The following HARS1 variants were observed in gnomAD, a reference collection of about 807,000 sequenced individuals.
The protein encoded by HARS1 is histidine--tRNA ligase, cytoplasmic.
In HARS1, 45 loss-of-function variants were observed where a neutral mutation model predicts 63.6. The ratio of observed to expected loss-of-function variants is 0.71; its 90% CI spans 0.56 to 0.91. The LOEUF is 0.91. Ranked by LOEUF, HARS1 falls within the 40% of genes least tolerant of loss-of-function variation. The pLI, the probability that HARS1 is intolerant of heterozygous loss-of-function variation, is 0.00. For synonymous variants in HARS1, 205 were observed against 247.1 expected, an observed-to-expected ratio of 0.83 and a Z score of 1.60; for missense variants, 508 against 643.2, an observed-to-expected ratio of 0.79 and a Z score of 2.27.
At position 140,673,948 on chromosome 5, in the gene HARS1, G is replaced by A. The variant is rs968857318; in HGVS notation, c.*309C>T. On this transcript the variant is annotated 3_prime_UTR_variant, in exon 13 of 13. Transcript: ENST00000504156. Reference sequence around the variant, plus strand: ...TATTGGACCTTTGGCAATTGGTGGTGGGGAGGCATCTGCTCCAACTGGTGC... The same window carrying A: ...TATTGGACCTTTGGCAATTGGTGGTAGGGAGGCATCTGCTCCAACTGGTGC... The A allele has an allele frequency of 1.8e-6, 1 of 562,830 alleles. No individual in the cohort carries two copies. The highest frequency in any genetic ancestry group is 1.9e-5 in the African/African-American group (1 of 53,116). 34.9% of individuals were successfully genotyped at this position (562,830 alleles called of 1,614,324 possible).
At position 140,684,323 on chromosome 5, in the gene HARS1, A is replaced by G. The variant is rs1164458165; in HGVS notation, c.181-1104T>C. ...CAAAAACAAAAACAAACCCAACCAA[A>G]CAAACAAAAATAATAACAACAAAAA... On this transcript the variant is annotated intron_variant, in intron 2 of 12. Transcript: ENST00000504156. 1.1e-5 allele frequency: 11 copies of G among 979,000 alleles called. No homozygotes were observed. The East Asian group carries it at 1.1e-3, about 101-fold the overall frequency. The allele number at this position is 979,000 out of a possible 1,614,324, so 60.6% of individuals were successfully genotyped here. A position where few individuals can be genotyped will look rare whatever the true frequency, so the allele number is the denominator to read the frequency against.
chr5:140,689,963 C>A (rs1258567205), intron 2 of HARS1, among the ~76,000 whole-genome samples: 3 of 152,124 alleles, frequency 2.0e-5, no homozygotes, highest in African/African-American at 7.2e-5. Context: ...AAGTTCTTTC[C>A]CACTTTAGGG....
At position 140,674,921 on chromosome 5, in the gene HARS1, GAGAAGTAATGGC is replaced by G. The variant is rs1758271796; in HGVS notation, c.1311+84_1311+95del. On this transcript the variant is annotated intron_variant, in intron 11 of 12. Transcript: ENST00000504156. ...GCACCCTGTTCTTAGCTCTACTTTT[GAGAAGTAATGGC>G]AGGATCCATTATGGGTGAGCTTTTA... The G allele has an allele frequency of 3.3e-6, 5 of 1,507,304 alleles. No individual in the cohort carries two copies. In the South Asian group the frequency reaches 5.6e-5, roughly 17 times the overall value. The allele number at this position is 1,507,304 out of a possible 1,614,324, so 93.4% of individuals were successfully genotyped here.
chr5:140,674,679 C>T lies in HARS1; in HGVS notation c.1458G>A (p.Glu486=). ...IKLRSVTSRE[E]VDVRREDLVE... ...TAGCCTTCCTGCCCACCTCCCTCAC[C>T]TCTTCCCTGCTCGTCACTGAACGGA... Residue 486 remains glutamate (E), a splice_region_variant and synonymous_variant, in exon 12 of 13, where the codon GAG becomes GAA. Transcript: ENST00000504156. The T allele has an allele frequency of 6.2e-7, 1 of 1,614,242 alleles. No individual in the cohort carries two copies. Among genetic ancestry groups the T allele is most frequent in the Non-Finnish European group, 8.5e-7 (1 of 1,180,036 alleles).
Position 140,677,963 on chromosome 5 carries a change from A to C in HARS1, c.575T>G (p.Leu192Arg). ...FDPMIPDAEC[L>R]KIMCEILSSL... is the part of the protein sequence containing the mutation. ...ACTCAGGATCTCGCACATGATCTTCAGGCACTCTGCATCAGGGATCATGGG... is the reference window on the plus strand; with the variant it reads ...ACTCAGGATCTCGCACATGATCTTCCGGCACTCTGCATCAGGGATCATGGG... The change falls in exon 6 of 13, where the codon CTG becomes CGG. Residue 192 changes from leucine (L) to arginine (R), a missense_variant. Transcript: ENST00000504156. 2 of 1,612,122 alleles carry C rather than the reference A, an allele frequency of 1.2e-6. No individual in the cohort carries two copies. The highest frequency in any genetic ancestry group is 2.2e-5 in the South Asian group (2 of 91,032).
intron 2 of HARS1, chr5:140,684,272 A>G: frequency 1.2e-6 from 1 of 817,812 alleles, no homozygotes; most frequent in Non-Finnish European, 1.5e-6. Context: ...CCTGGGAGAC[A>G]GAGCAAGACT....
Position 140,686,670 on chromosome 5 carries a change from G to T in HARS1, c.181-3451C>A, listed in dbSNP as rs181240610. On this transcript the variant is annotated intron_variant, in intron 2 of 12. Transcript: ENST00000504156. Reference sequence around the variant, plus strand: ...GGCTGGAGTGCAATGACGCGATCTCGGCTCACCACAACCTCTGCTTCCCAG... The same window carrying T: ...GGCTGGAGTGCAATGACGCGATCTCTGCTCACCACAACCTCTGCTTCCCAG... Among the ~76,000 whole-genome samples, 413 of 150,484 alleles carry T rather than the reference G, an allele frequency of 2.7e-3. 3 individuals carry two copies. The highest frequency in any genetic ancestry group is 0.014 in the Middle Eastern group (4 of 290).
intron 2 of HARS1, chr5:140,687,865 G>A (rs928948305): frequency 6.6e-6 from 1 of 152,222 alleles, no homozygotes; most frequent in Admixed American, 6.5e-5. Context: ...CACTTTAGGA[G>A]GCCGAGGTGG....
intron 8 of HARS1, 105 bp downstream of exon 8, chr5:140,677,222 T>C (rs1562006604): frequency 1.4e-6 from 2 of 1,379,836 alleles, no homozygotes; most frequent in Non-Finnish European, 2.1e-6. Context: ...TGTGTACATA[T>C]GCATAGACAC....
In HARS1 at chr5:140,678,998, T is replaced by A; in HGVS notation, c.522+4A>T. 1 of 1,613,588 alleles carries A rather than the reference T, an allele frequency of 6.2e-7. No individual in the cohort carries two copies. Reference sequence around the variant, plus strand: ...ATCCTGCCCCACGGTTTCCCAACACTCACACACTGGTAGAATTCCCGGTAT... The same window carrying A: ...ATCCTGCCCCACGGTTTCCCAACACACACACACTGGTAGAATTCCCGGTAT... On this transcript the variant is annotated splice_donor_region_variant and intron_variant, in intron 5 of 12. Transcript: ENST00000504156.
In HARS1 at chr5:140,684,100, G is replaced by A. The variant is rs530853774; in HGVS notation, c.181-881C>T. On this transcript the variant is annotated intron_variant, in intron 2 of 12. Coordinates refer to ENST00000504156, the MANE Select transcript of HARS1 (RefSeq NM_002109.6). ...GTCAGGAGATCAAGACCATCCTGGC[G>A]AACACTGTGAAACCCCGTCTCTACT... 421 of 151,574 alleles carry A rather than the reference G, an allele frequency of 2.8e-3. 3 individuals carry two copies. The highest frequency in any genetic ancestry group is 0.014 in the Middle Eastern group (4 of 292). The allele number at this position is 151,574 out of a possible 1,614,324, so 9.4% of individuals were successfully genotyped here. A position where few individuals can be genotyped will look rare whatever the true frequency, so the allele number is the denominator to read the frequency against.
chr5:140,681,601 G>A (rs949081172), intron 3 of HARS1, among the ~76,000 whole-genome samples: 4 of 152,082 alleles, frequency 2.6e-5, no homozygotes, highest in Non-Finnish European at 5.9e-5. Flanking sequence ...CCTGGGAGGT[G>A]GAGTTGCAGT....
intron 12 of HARS1, 58 bp from the exon 13 acceptor site, chr5:140,674,386 G>T: frequency 8.2e-7 from 1 of 1,217,030 alleles, no homozygotes; most frequent in Non-Finnish European, 1.2e-6. Context: ...TGCTCCCCGA[G>T]TGCCTAGTTT....
At chr5:140,683,421 A>C in intron 2 of HARS1, 1 of 949,818 alleles carries the variant, frequency 1.1e-6, no homozygotes, top group Non-Finnish European at 1.4e-6. Flanking sequence ...TGCCTTCCAA[A>C]CTCCATTCCC....
Position 140,675,040 on chromosome 5 carries a change from C to G in HARS1, c.1288G>C (p.Glu430Gln). ...ACCTTGATCCCAGCATCCCACAGTT[C>G]TGAGACAAGCTTTAGTCTTTCCTCT... is the stretch of plus-strand genomic sequence containing the variant. ...LLEERLKLVS[E>Q]LWDAGIKAEL... is the part of the protein sequence containing the mutation. The change falls in exon 11 of 13, where the codon GAA becomes CAA. Residue 430 changes from glutamate (E) to glutamine (Q), a missense_variant. Physicochemically the swap from Glu to Gln is conservative, Grantham distance 29 (BLOSUM62 2). Coordinates refer to ENST00000504156, the MANE Select transcript of HARS1 (RefSeq NM_002109.6). 1 of 1,612,342 alleles carries G rather than the reference C, an allele frequency of 6.2e-7. No homozygotes were observed. The highest frequency in any genetic ancestry group is 8.5e-7 in the Non-Finnish European group (1 of 1,178,370).
chr5:140,682,985 G>T, intron 3 of HARS1, 115 bp downstream of exon 3: 1 of 900,212 alleles, frequency 1.1e-6, no homozygotes, highest in Non-Finnish European at 1.7e-6. Flanking sequence ...GCAAAGACTG[G>T]TCTGTGTCCA....
chr5:140,682,999 C>A, intron 3 of HARS1, 101 bp downstream of exon 3: 1 of 1,091,500 alleles, frequency 9.2e-7, no homozygotes, highest in Non-Finnish European at 1.4e-6. Context: ...GTGTCCACAA[C>A]AGGAGTGGGC....
In HARS1 at chr5:140,677,392, A is replaced by G. The variant is rs1653430459; in HGVS notation, c.758T>C (p.Met253Thr). 6.2e-7 allele frequency: 1 copy of G among 1,613,648 alleles called. No homozygotes were observed. The highest frequency in any genetic ancestry group is 8.5e-7 in the Non-Finnish European group (1 of 1,179,676). ...AGGTGCAAGGCCCTTCTCTCCCACC[A>G]TCTCATTCTTCACCTCTTCCCAGGA... is the stretch of plus-strand genomic sequence containing the variant. ...KVSWEEVKNE[M>T]VGEKGLAPEV... The change falls in exon 8 of 13, where the codon ATG becomes ACG. Residue 253 changes from methionine to threonine, a missense_variant. Physicochemically the swap from Met to Thr is moderately conservative, Grantham distance 81. Coordinates refer to ENST00000504156, the MANE Select transcript of HARS1 (RefSeq NM_002109.6).
chr5:140,686,610 T>A (rs1158016560), intron 2 of HARS1, among the ~76,000 whole-genome samples: 20 of 151,862 alleles, frequency 1.3e-4, no homozygotes, highest in Admixed American at 1.3e-3. Flanking sequence ...ATTCTTTTTT[T>A]TTTTTTTTTG....
Sources: gnomAD v4.1 joint callset for allele counts (sites outside exome capture counted in the v4.1 genomes callset) on GRCh38, gnomAD v4.1.1 for gene constraint, MANE v1.5 for transcripts, NCBI Gene and HGNC (gene_info 2026-07-23, HGNC 2026-07-21) for gene names.